The following GMDS variants were observed in gnomAD, a reference collection of about 807,000 sequenced individuals.
GMDS encodes GDP-mannose 4,6 dehydratase.
A neutral mutation model predicts 49.9 loss-of-function variants in GMDS; 20 were observed. The ratio of observed to expected loss-of-function variants is 0.40; its 90% CI spans 0.28 to 0.58. The LOEUF is 0.58. Among genes scored for constraint, GMDS ranks in the 20% least tolerant of loss-of-function variants. The probability of loss-of-function intolerance (pLI) is 0.42; values close to 1 mark genes in which losing one functional copy is unlikely to be tolerated. For synonymous variants in GMDS, 177 were observed against 178.6 expected, an observed-to-expected ratio of 0.99 and a Z score of 0.07; for missense variants, 362 against 481.4, an observed-to-expected ratio of 0.75 and a Z score of 2.32.
At chr6:2,059,437 G>A (rs557935884) in intron 4 of GMDS, among the ~76,000 whole-genome samples, 317 of 151,320 alleles carry the variant, frequency 2.1e-3, no homozygotes, top group African/African-American at 7.5e-3. Context: ...GGCCGGGCGC[G>A]GTGGCTCACG....
chr6:1,881,940 C>T (rs1326604515), intron 7 of GMDS, among the ~76,000 whole-genome samples: 1 of 152,200 alleles, frequency 6.6e-6, no homozygotes, highest in African/African-American at 2.4e-5. Flanking sequence ...CAAAGTCTCA[C>T]AAGCTACAGT....
At chr6:1,844,248 T>C (rs1054887597) in intron 7 of GMDS, among the ~76,000 whole-genome samples, 3 of 152,200 alleles carry the variant, frequency 2.0e-5, no homozygotes, top group Non-Finnish European at 4.4e-5. Flanking sequence ...TAGTGTGGTA[T>C]ATTACCTAAA....
At chr6:1,728,798 C>T (rs994142879) in intron 8 of GMDS, among the ~76,000 whole-genome samples, 1 of 152,170 alleles carries the variant, frequency 6.6e-6, no homozygotes, top group Non-Finnish European at 1.5e-5. Flanking sequence ...CTTCACAGAT[C>T]ACATATAGTC....
At chr6:1,677,519 C>G (rs953556677) in intron 9 of GMDS, among the ~76,000 whole-genome samples, 9 of 151,970 alleles carry the variant, frequency 5.9e-5, no homozygotes, top group African/African-American at 2.2e-4. Context: ...TGGCACTATT[C>G]ACAATAGCAA....
chr6:1,649,489 T>C (rs563764032), intron 9 of GMDS, among the ~76,000 whole-genome samples: 25 of 152,338 alleles, frequency 1.6e-4, no homozygotes, highest in Admixed American at 9.8e-4. Flanking sequence ...ACACATTTAA[T>C]AATACACTTT....
chr6:1,966,760 C>A (rs1437177221), intron 4 of GMDS, among the ~76,000 whole-genome samples: 2 of 152,198 alleles, frequency 1.3e-5, no homozygotes, highest in African/African-American at 2.4e-5. Context: ...CTCCAAAGCT[C>A]TTCTTTCCCA....
chr6:2,065,181 C>A (rs545143920), intron 4 of GMDS, among the ~76,000 whole-genome samples: 378 of 152,162 alleles, frequency 2.5e-3, no homozygotes, highest in African/African-American at 5.4e-3. Context: ...CTCACACAGC[C>A]TGGTACTCCA....
chr6:2,214,341 T>C (rs564179533), intron 1 of GMDS, among the ~76,000 whole-genome samples: 3 of 152,172 alleles, frequency 2.0e-5, no homozygotes, highest in African/African-American at 4.8e-5. Context: ...CGGTTCCTCA[T>C]TGAGGATTCA....
chr6:1,706,023 G>A (rs543541141), intron 9 of GMDS, among the ~76,000 whole-genome samples: 49 of 152,294 alleles, frequency 3.2e-4, no homozygotes, highest in African/African-American at 8.9e-4. Context: ...GCAATTAACC[G>A]GTTGTTGATA....
intron 7 of GMDS, among the ~76,000 whole-genome samples, chr6:1,832,678 C>T (rs1001393390): frequency 6.6e-6 from 1 of 152,154 alleles, no homozygotes; most frequent in Non-Finnish European, 1.5e-5. Flanking sequence ...AAAAATAGTC[C>T]ACCACATGCA....
intron 9 of GMDS, among the ~76,000 whole-genome samples, chr6:1,705,700 G>A (rs1765711292): frequency 6.6e-6 from 1 of 152,148 alleles, no homozygotes; most frequent in Non-Finnish European, 1.5e-5. Flanking sequence ...GGGTGTCCAT[G>A]GCAACAGAAG....
chr6:2,053,935 C>T (rs1427495770), intron 4 of GMDS, among the ~76,000 whole-genome samples: 1 of 152,020 alleles, frequency 6.6e-6, no homozygotes, highest in African/African-American at 2.4e-5. Flanking sequence ...AATTATATAA[C>T]ACAAGAGTTG....
chr6:1,821,611 G>GTTTTTT lies in GMDS; in HGVS notation c.772-79031_772-79026dup, dbSNP rs3039703. Among the ~76,000 whole-genome samples the GTTTTTT allele has an allele frequency of 5.6e-4, 62 of 109,830 alleles. 2 individuals carry two copies. Among genetic ancestry groups the GTTTTTT allele is most frequent in the African/African-American group, 7.5e-4 (22 of 29,356 alleles). The allele number at this position is 109,830 out of a possible 152,430, so 72.1% of individuals were successfully genotyped here. On this transcript the variant is annotated intron_variant, in intron 7 of 10. Coordinates refer to ENST00000380815, the MANE Select transcript of GMDS (RefSeq NM_001500.4). ...TAGCGCAGCTGCTAACAATTTATTT[G>GTTTTTT]TTTTTTTTTTTTTTTTTTTTTTTTT...
intron 1 of GMDS, among the ~76,000 whole-genome samples, chr6:2,228,555 G>A (rs1228927895): frequency 6.6e-6 from 1 of 152,162 alleles, no homozygotes; most frequent in African/African-American, 2.4e-5. Flanking sequence ...GTGAGCTTTG[G>A]AACTGGTGGT....
At chr6:1,678,303 G>C (rs978706583) in intron 9 of GMDS, among the ~76,000 whole-genome samples, 1 of 152,150 alleles carries the variant, frequency 6.6e-6, no homozygotes, top group Non-Finnish European at 1.5e-5. Context: ...AGTCCACACC[G>C]CGTCTGTAGC....
chr6:1,828,490 T>C (rs1771223771), intron 7 of GMDS, among the ~76,000 whole-genome samples: 1 of 152,104 alleles, frequency 6.6e-6, no homozygotes, highest in Non-Finnish European at 1.5e-5. Context: ...TCCTGAGACA[T>C]ATTCAAATTG....
chr6:2,166,879 T>A (rs1777695698), intron 1 of GMDS, among the ~76,000 whole-genome samples: 1 of 152,210 alleles, frequency 6.6e-6, no homozygotes, highest in Non-Finnish European at 1.5e-5. Flanking sequence ...ATCCCACTCC[T>A]TCCTCATCAG....
intron 9 of GMDS, among the ~76,000 whole-genome samples, chr6:1,660,051 C>T (rs60704199): frequency 0.081 from 12,333 of 152,042 alleles, 556 homozygotes; most frequent in African/African-American, 0.13. Flanking sequence ...CGTGGCTCCC[C>T]AGCCGCGGAC....
intron 1 of GMDS, among the ~76,000 whole-genome samples, chr6:2,197,242 G>GA (rs1467796050): frequency 2.0e-5 from 3 of 152,162 alleles, no homozygotes; most frequent in East Asian, 1.9e-4. Flanking sequence ...TCATGTCCCT[G>GA]ACTCATCCAA....
Sources: allele counts gnomAD v4.1 joint callset (sites outside exome capture counted in the v4.1 genomes callset), GRCh38; gene constraint gnomAD v4.1.1; transcripts MANE v1.5; gene names NCBI Gene and HGNC (gene_info 2026-07-23, HGNC 2026-07-21).